Variants in CTNNA3 observed in about 807,000 individuals in gnomAD.
CTNNA3 encodes catenin alpha-3.
In CTNNA3, 76 loss-of-function variants were observed where a neutral mutation model predicts 95.7. The ratio of observed to expected loss-of-function variants is 0.79; its 90% CI spans 0.66 to 0.96. The LOEUF (loss-of-function observed/expected upper bound fraction) is 0.96. CTNNA3 is among the 40% of genes least tolerant of loss of function. The pLI, the probability that CTNNA3 is intolerant of heterozygous loss-of-function variation, is 0.00. For synonymous variants in CTNNA3, 431 were observed against 374.4 expected (o/e 1.15, Z -1.74); for missense variants, 1,191 against 1,089.8 (o/e 1.09, Z -1.31).
At chr10:66,139,742 G>T (rs2083519806) in intron 13 of CTNNA3, among the ~76,000 whole-genome samples, 1 of 152,172 alleles carries the variant, frequency 6.6e-6, no homozygotes, top group African/African-American at 2.4e-5. Context: ...GACACTGCAA[G>T]CATTATACAG....
intron 7 of CTNNA3, among the ~76,000 whole-genome samples, chr10:66,932,827 A>T (rs1286245092): frequency 2.0e-5 from 3 of 152,196 alleles, no homozygotes; most frequent in African/African-American, 7.2e-5. Flanking sequence ...ACTACCAATA[A>T]AATCTAAATA....
chr10:67,199,749 A>G (rs902988135), intron 6 of CTNNA3, among the ~76,000 whole-genome samples: 13 of 152,196 alleles, frequency 8.5e-5, no homozygotes, highest in African/African-American at 1.2e-4. Context: ...GCAAAACAAC[A>G]TTCAGAATGA....
Position 66,603,648 on chromosome 10 carries a change from AG to A in CTNNA3, c.1374+18043del, listed in dbSNP as rs1391599071. On this transcript the variant is annotated intron_variant, in intron 10 of 17. Transcript: ENST00000433211. ...AAGCAATCCTCAGTAAAAAATGCAAAGCTCGACATCATACTACATGGTTTTC... is the reference window on the plus strand; with the variant it reads ...AAGCAATCCTCAGTAAAAAATGCAAACTCGACATCATACTACATGGTTTTC... Among the ~76,000 whole-genome samples the A allele has an allele frequency of 2.0e-5, 3 of 152,182 alleles. 1 individual carries two copies. The highest frequency in any genetic ancestry group is 2.9e-5 in the Non-Finnish European group (2 of 68,014).
chr10:67,682,265 T>C (rs1156263194), intron 1 of CTNNA3, among the ~76,000 whole-genome samples: 1 of 151,282 alleles, frequency 6.6e-6, no homozygotes, highest in Non-Finnish European at 1.5e-5. Flanking sequence ...AGGCGGAGCT[T>C]GCAGTGAGCT....
chr10:66,309,685 C>CAAAAAAAAAAAAAAAAAAA (rs60400266), intron 12 of CTNNA3, among the ~76,000 whole-genome samples: 8 of 41,780 alleles, frequency 1.9e-4, no homozygotes, highest in Admixed American at 4.0e-4. Context: ...GACTCCGTCT[C>CAAAAAAAAAAAAAAAAAAA]AAAAAAAAAA....
At chr10:66,759,883 A>T (rs1216254420) in intron 9 of CTNNA3, among the ~76,000 whole-genome samples, 1 of 152,234 alleles carries the variant, frequency 6.6e-6, no homozygotes, top group African/African-American at 2.4e-5. Context: ...AATGAAACAT[A>T]TTAAAACCAG....
chr10:67,121,762 A>G (rs1248443270), intron 7 of CTNNA3, among the ~76,000 whole-genome samples: 2 of 151,870 alleles, frequency 1.3e-5, no homozygotes, highest in African/African-American at 4.8e-5. Context: ...CTGCAAAACA[A>G]TAGAGAGCAG....
intron 4 of CTNNA3, among the ~76,000 whole-genome samples, chr10:67,528,477 T>C (rs973106547): frequency 3.3e-5 from 5 of 152,116 alleles, no homozygotes. Context: ...ATCTCAGCCA[T>C]TCAGGACTAT....
intron 11 of CTNNA3, among the ~76,000 whole-genome samples, chr10:66,414,399 G>A (rs1305612248): frequency 6.6e-6 from 1 of 152,142 alleles, no homozygotes; most frequent in African/African-American, 2.4e-5. Context: ...TGGATTGACT[G>A]AGAGCCTAGA....
chr10:67,109,694 T>G (rs896220340), intron 7 of CTNNA3, among the ~76,000 whole-genome samples: 11 of 151,942 alleles, frequency 7.2e-5, no homozygotes, highest in Non-Finnish European at 1.5e-4. Context: ...AATACAAAAA[T>G]TGGCTGGGCG....
Position 66,377,236 on chromosome 10 carries a change from T to C in CTNNA3, c.1732+1916A>G, listed in dbSNP as rs2092802383. On this transcript the variant is annotated intron_variant, in intron 12 of 17. Transcript: ENST00000433211. ...TACCGTTACGCTAATAATAAGATGC[T>C]GTTTATACATAATAACCCAGGATTA... Among the ~76,000 whole-genome samples, 9 of 152,222 alleles carry C rather than the reference T, an allele frequency of 5.9e-5. No homozygotes were observed. The South Asian group carries it at 1.9e-3, about 32-fold the overall frequency.
At chr10:66,129,315 A>G (rs992612515) in intron 13 of CTNNA3, among the ~76,000 whole-genome samples, 15 of 152,118 alleles carry the variant, frequency 9.9e-5, no homozygotes, top group African/African-American at 3.6e-4. Context: ...GCAAGCAGCA[A>G]GCTACTCTCA....
intron 10 of CTNNA3, among the ~76,000 whole-genome samples, chr10:66,612,135 C>A (rs971906106): frequency 6.6e-6 from 1 of 152,180 alleles, no homozygotes. Flanking sequence ...TCACCTCCAT[C>A]ATCACAATCA....
At chr10:66,397,904 G>A (rs2092992105) in intron 11 of CTNNA3, among the ~76,000 whole-genome samples, 1 of 151,792 alleles carries the variant, frequency 6.6e-6, no homozygotes, top group East Asian at 1.9e-4. Flanking sequence ...CAAGTTCCTG[G>A]GTGATTGTGG....
chr10:67,654,019 A>C (rs982649967), intron 1 of CTNNA3, among the ~76,000 whole-genome samples: 1 of 152,172 alleles, frequency 6.6e-6, no homozygotes, highest in Non-Finnish European at 1.5e-5. Context: ...TTTGCCAATG[A>C]GTGCAGATTG....
intron 5 of CTNNA3, among the ~76,000 whole-genome samples, chr10:67,494,014 G>T (rs549504694): frequency 6.6e-6 from 1 of 152,242 alleles, no homozygotes; most frequent in South Asian, 2.1e-4. Flanking sequence ...AGGTCCTCAG[G>T]GGACAGAAGA....
intron 5 of CTNNA3, among the ~76,000 whole-genome samples, chr10:67,240,020 G>A (rs927863909): frequency 1.3e-5 from 2 of 152,116 alleles, no homozygotes; most frequent in South Asian, 2.1e-4. Flanking sequence ...ACTTCCTTAC[G>A]AAGCTACATT....
chr10:66,189,617 T>TATATATATATATATATATATACAC (rs151078010), intron 13 of CTNNA3, among the ~76,000 whole-genome samples: 3 of 140,362 alleles, frequency 2.1e-5, no homozygotes, highest in African/African-American at 8.5e-5. Flanking sequence ...TATATATATA[T>TATATATATATATATATATATACAC]ACACACATAC....
chr10:66,770,418 A>G (rs117298925), intron 8 of CTNNA3, among the ~76,000 whole-genome samples: 3,330 of 152,308 alleles, frequency 0.022, 54 homozygotes, highest in South Asian at 0.053. Flanking sequence ...TGGAAGCCAA[A>G]GCACTAAAAT....
Sources: gnomAD v4.1 joint callset for allele counts (sites outside exome capture counted in the v4.1 genomes callset) on GRCh38, gnomAD v4.1.1 for gene constraint, MANE v1.5 for transcripts, NCBI Gene and HGNC (gene_info 2026-07-23, HGNC 2026-07-21) for gene names.